SEPTIN9: variants seen among roughly 807,000 people sequenced by gnomAD.
The protein encoded by SEPTIN9 is septin-9.
Under a neutral mutation model 56.6 loss-of-function variants are expected in SEPTIN9, and 13 were observed. The ratio of observed to expected loss-of-function variants is 0.23; its 90% CI spans 0.15 to 0.37. SEPTIN9 has a LOEUF of 0.37. SEPTIN9 is among the 10% of genes least tolerant of loss of function. The pLI is 1.00. For synonymous variants in SEPTIN9, 332 were observed against 334.1 expected (o/e 0.99, Z 0.07); for missense variants, 650 against 823.1 (o/e 0.79, Z 2.57).
intron 3 of SEPTIN9, among the ~76,000 whole-genome samples, chr17:77,439,784 G>T (rs2037479223): frequency 6.6e-6 from 1 of 152,224 alleles, no homozygotes; most frequent in South Asian, 2.1e-4. Flanking sequence ...GCCCCGCCCT[G>T]GGCCTTCGCC....
At chr17:77,488,595 C>A in intron 6 of SEPTIN9, 132 bp from the exon 7 acceptor site, 2 of 1,320,784 alleles carry the variant, frequency 1.5e-6, no homozygotes, top group Non-Finnish European at 2.1e-6. Context: ...CATCTCCGCT[C>A]AGCAAGCCAG....
rs1298444959 is a variant in SEPTIN9 at position 77,436,973 on chromosome 17, G to A, written c.721+34270G>A. ...GCAGGACACAGATTCACGCGATTGT[G>A]CAGATCACCTGGCCTCACTCCCTCG... On this transcript the variant is annotated intron_variant, in intron 3 of 11. Transcript: ENST00000427177. This position sits in a 1 kb window ranked among gnomAD's most constrained non-coding sequence, Gnocchi z 4.4. Among the ~76,000 whole-genome samples, 1 of 152,232 alleles carries A rather than the reference G, an allele frequency of 6.6e-6. No homozygotes were observed. Among genetic ancestry groups the A allele is most frequent in the East Asian group, 1.9e-4 (1 of 5,196 alleles).
intron 2 of SEPTIN9, 139 bp from the exon 3 acceptor site, chr17:77,401,920 A>G: frequency 1.3e-6 from 1 of 790,028 alleles, no homozygotes; most frequent in Non-Finnish European, 2.0e-6. Flanking sequence ...CCGCTTGCTG[A>G]GACATGAAGG....
chr17:77,346,647 C>A (rs1199901823), intron 2 of SEPTIN9, among the ~76,000 whole-genome samples: 1 of 152,036 alleles, frequency 6.6e-6, no homozygotes, highest in African/African-American at 2.4e-5. Flanking sequence ...TATATATATT[C>A]TAGACTTCCT....
rs1029333013 is a variant in SEPTIN9 at position 77,330,850 on chromosome 17, G to T, written c.76+23653G>T. Among the ~76,000 whole-genome samples, 3 of 152,228 alleles carry T rather than the reference G, an allele frequency of 2.0e-5. No homozygotes were observed. Among genetic ancestry groups the T allele is most frequent in the Non-Finnish European group, 4.4e-5 (3 of 68,038 alleles). On this transcript the variant is annotated intron_variant, in intron 2 of 11. Transcript: ENST00000427177. The surrounding 1 kb of genome is among the most constrained non-coding windows in gnomAD (Gnocchi z 4.4). ...CCTTCACTGTCCCTGCCTGGCCCCA[G>T]TGCTCATGTGGCTTGTGGCCCTCAG...
intron 2 of SEPTIN9, among the ~76,000 whole-genome samples, chr17:77,337,950 C>T (rs1273216634): frequency 6.6e-6 from 1 of 151,980 alleles, no homozygotes; most frequent in Non-Finnish European, 1.5e-5. Context: ...TAATCCTAGC[C>T]CTTTGGGAGG....
chr17:77,324,775 A>C (rs886956326), intron 2 of SEPTIN9, among the ~76,000 whole-genome samples: 1 of 150,696 alleles, frequency 6.6e-6, no homozygotes. Context: ...CTGCCATTCC[A>C]TGGATTGCCT....
At chr17:77,407,896 C>CTGGGT (rs1011793183) in intron 3 of SEPTIN9, among the ~76,000 whole-genome samples, 1 of 152,182 alleles carries the variant, frequency 6.6e-6, no homozygotes, top group African/African-American at 2.4e-5. Context: ...ATGGGTGCCT[C>CTGGGT]TGGGTGGAGT....
intron 3 of SEPTIN9, among the ~76,000 whole-genome samples, chr17:77,414,572 CTTTTT>C (rs559525322): frequency 8.1e-6 from 1 of 123,834 alleles, no homozygotes; most frequent in Non-Finnish European, 1.7e-5. Context: ...TGTGTGGATT[CTTTTT>C]TTTTTTTTTT....
chr17:77,352,865 C>T (rs2034108894), intron 2 of SEPTIN9, among the ~76,000 whole-genome samples: 1 of 152,086 alleles, frequency 6.6e-6, no homozygotes, highest in Non-Finnish European at 1.5e-5. Flanking sequence ...AGGGCCCAGG[C>T]TGGTCTCAAA....
chr17:77,493,095 G>A lies in SEPTIN9; in HGVS notation c.1573+19G>A, dbSNP rs367894485. The A allele has an allele frequency of 2.7e-5, 42 of 1,531,456 alleles. No individual in the cohort carries two copies. In the African/African-American group the frequency reaches 2.9e-4, roughly 11 times the overall value. The allele number at this position is 1,531,456 out of a possible 1,614,324, so 94.9% of individuals were successfully genotyped here. ...ATCGAAGGTACTCGCCGCAGGCGCC[G>A]GGGCTCCAGACAGATGGGAAGACAG... On this transcript the variant is annotated intron_variant, in intron 10 of 11. Transcript: ENST00000427177.
intron 3 of SEPTIN9, among the ~76,000 whole-genome samples, chr17:77,413,754 G>A (rs993493956): frequency 2.0e-5 from 3 of 152,042 alleles, no homozygotes; most frequent in African/African-American, 7.2e-5. Flanking sequence ...GAGAAGTTTG[G>A]AGTTGCCCAG....
intron 2 of SEPTIN9, chr17:77,374,022 C>G (rs1445232945): frequency 6.5e-6 from 1 of 154,970 alleles, no homozygotes; most frequent in Non-Finnish European, 1.4e-5. Context: ...TCACCTCCGA[C>G]TGAGTGGACA....
At chr17:77,407,991 C>A (rs1042993394) in intron 3 of SEPTIN9, among the ~76,000 whole-genome samples, 8 of 151,966 alleles carry the variant, frequency 5.3e-5, no homozygotes, top group African/African-American at 1.9e-4. Flanking sequence ...GAGTTACCCC[C>A]CTCCGGCTCC....
chr17:77,281,876 G>A (rs1165708417), intron 1 of SEPTIN9: 2 of 400,454 alleles, frequency 5.0e-6, no homozygotes, highest in Admixed American at 4.7e-5. Flanking sequence ...GTCCCTGTGC[G>A]TCTGTGTGGG....
Position 77,452,430 on chromosome 17 carries a change from T to G in SEPTIN9, c.722-29714T>G, listed in dbSNP as rs143218865. Among the ~76,000 whole-genome samples, 1,001 of 152,350 alleles carry G rather than the reference T, an allele frequency of 6.6e-3. 1 individual carries two copies. Among genetic ancestry groups the G allele is most frequent in the Non-Finnish European group, 0.01 (712 of 68,014 alleles). ...TGACTCAGCCTCCAGCCTGCTGCAC[T>G]TCATCCCTGGCCCCTCTCTCTTTGC... On this transcript the variant is annotated intron_variant, in intron 3 of 11. Transcript: ENST00000427177.
In SEPTIN9 at chr17:77,492,528, G is replaced by A. The variant is rs764479185; in HGVS notation, c.1381-93G>A. On this transcript the variant is annotated intron_variant, in intron 8 of 11. Transcript: ENST00000427177. This position sits in a 1 kb window ranked among gnomAD's most constrained non-coding sequence, Gnocchi z 5.4. Reference sequence around the variant, plus strand: ...GCCTGCCCTTGAACCCGAGCCTGGGGCAGCACACAGTGTGGAGGTCATGTG... The same window carrying A: ...GCCTGCCCTTGAACCCGAGCCTGGGACAGCACACAGTGTGGAGGTCATGTG... 11 of 1,140,122 alleles carry A rather than the reference G, an allele frequency of 9.6e-6. No homozygotes were observed. Among genetic ancestry groups the A allele is most frequent in the Non-Finnish European group, 1.5e-5 (11 of 748,574 alleles). 70.6% of individuals were successfully genotyped at this position (1,140,122 alleles called of 1,614,324 possible). A position where few individuals can be genotyped will look rare whatever the true frequency, so the allele number is the denominator to read the frequency against.
Position 77,436,211 on chromosome 17 carries a change from C to G in SEPTIN9, c.721+33508C>G, listed in dbSNP as rs570203622. Among the ~76,000 whole-genome samples the G allele has an allele frequency of 1.4e-4, 21 of 152,264 alleles. No individual in the cohort carries two copies. Among genetic ancestry groups the G allele is most frequent in the African/African-American group, 5.1e-4 (21 of 41,546 alleles). ...GGATCCCATTTCCTCAGCCCCCTCT[C>G]CAGCTTTCCCAGGGAAAGGGCAGGA... On this transcript the variant is annotated intron_variant, in intron 3 of 11. Transcript: ENST00000427177. This position sits in a 1 kb window ranked among gnomAD's most constrained non-coding sequence, Gnocchi z 4.4.
chr17:77,402,561 C>G lies in SEPTIN9; in HGVS notation c.579C>G (p.Pro193=), dbSNP rs775300302. 4.2e-5 allele frequency: 67 copies of G among 1,610,364 alleles called. No individual in the cohort carries two copies. The highest frequency in any genetic ancestry group is 5.2e-5 in the Non-Finnish European group (61 of 1,178,774). The part of the protein sequence containing the change: ...AAPKRVEIQM[P]KPAEAPTAPS... ...CCAAGAGGGTGGAGATCCAGATGCC[C>G]AAGCCTGCTGAGGCGCCCACCGCCC... The change falls in exon 3 of 12, where the codon CCC becomes CCG. Residue 193 remains proline, a synonymous_variant. Transcript: ENST00000427177. This position sits in a 1 kb window ranked among gnomAD's most constrained non-coding sequence, Gnocchi z 6.6.
Sources: allele counts gnomAD v4.1 joint callset (sites outside exome capture counted in the v4.1 genomes callset), GRCh38; gene constraint gnomAD v4.1.1; non-coding constraint Gnocchi (gnomAD v3.1); transcripts MANE v1.5; gene names NCBI Gene and HGNC (gene_info 2026-07-23, HGNC 2026-07-21).